Variants in CTNNA3 observed in about 807,000 individuals in gnomAD.
CTNNA3 encodes catenin alpha 3.
In CTNNA3, 76 loss-of-function variants were observed where a neutral mutation model predicts 95.7. The ratio of observed to expected loss-of-function variants is 0.79; its 90% confidence interval spans 0.66 to 0.96. The LOEUF (loss-of-function observed/expected upper bound fraction) is 0.96. CTNNA3 is among the 40% of genes least tolerant of loss of function. The pLI is 0.00. For synonymous variants in CTNNA3, 431 were observed against 374.4 expected (o/e 1.15, Z -1.74); for missense variants, 1,191 against 1,089.8 (o/e 1.09, Z -1.31).
intron 5 of CTNNA3, among the ~76,000 whole-genome samples, chr10:67,500,771 T>C (rs1442967633): frequency 6.6e-6 from 1 of 152,210 alleles, no homozygotes; most frequent in Non-Finnish European, 1.5e-5. Flanking sequence ...TTGCTTTCCA[T>C]TTGCTTGGTA....
intron 3 of CTNNA3, among the ~76,000 whole-genome samples, chr10:67,580,214 T>C (rs1842334735): frequency 6.6e-6 from 1 of 152,128 alleles, no homozygotes; most frequent in Admixed American, 6.6e-5. Flanking sequence ...TTTAATCCAT[T>C]CTTGAATTAA....
intron 9 of CTNNA3, among the ~76,000 whole-genome samples, chr10:66,682,808 T>A (rs1847115076): frequency 6.6e-6 from 1 of 152,010 alleles, no homozygotes; most frequent in Non-Finnish European, 1.5e-5. Flanking sequence ...AAAGCAACAT[T>A]AAAGAATACA....
intron 5 of CTNNA3, among the ~76,000 whole-genome samples, chr10:67,496,371 C>A (rs1421143538): frequency 1.3e-5 from 2 of 152,088 alleles, no homozygotes; most frequent in African/African-American, 4.8e-5. Context: ...GGACTTTCTG[C>A]CTTTACTGAA....
At chr10:66,044,576 T>A (rs1018056302) in intron 15 of CTNNA3, among the ~76,000 whole-genome samples, 2 of 152,166 alleles carry the variant, frequency 1.3e-5, no homozygotes, top group African/African-American at 2.4e-5. Context: ...TGATGACTAT[T>A]CTATGCTGTT....
intron 1 of CTNNA3, among the ~76,000 whole-genome samples, chr10:67,713,831 C>T (rs3125307): frequency 0.1 from 15,444 of 149,416 alleles, 1,166 homozygotes; most frequent in African/African-American, 0.21. Flanking sequence ...AAATACCTAA[C>T]GCATGAGGGA....
intron 7 of CTNNA3, chr10:66,925,921 C>A: frequency 2.3e-6 from 1 of 427,972 alleles, no homozygotes; most frequent in South Asian, 1.7e-5. Context: ...ATTCATTTTC[C>A]AGCAGAGAGC....
At chr10:66,924,616 A>C (rs1846962509) in intron 7 of CTNNA3, among the ~76,000 whole-genome samples, 1 of 152,240 alleles carries the variant, frequency 6.6e-6, no homozygotes, top group Non-Finnish European at 1.5e-5. Context: ...ACAATATTTA[A>C]AAATGCTCAC....
At chr10:66,524,779 G>T in intron 10 of CTNNA3, among the ~76,000 whole-genome samples, 1 of 152,160 alleles carries the variant, frequency 6.6e-6, no homozygotes, top group East Asian at 1.9e-4. Context: ...GCCAGGTGCG[G>T]TGGCTCACGC....
At chr10:67,154,699 T>C (rs1456178122) in intron 7 of CTNNA3, among the ~76,000 whole-genome samples, 1 of 152,150 alleles carries the variant, frequency 6.6e-6, no homozygotes, top group Non-Finnish European at 1.5e-5. Context: ...CTATAGCGAC[T>C]GCACTCAGTT....
At chr10:65,969,581 A>T (rs973209080) in intron 16 of CTNNA3, among the ~76,000 whole-genome samples, 13 of 152,194 alleles carry the variant, frequency 8.5e-5, no homozygotes, top group Admixed American at 7.9e-4. Flanking sequence ...TTAAAATATC[A>T]ATCAGAGATT....
intron 7 of CTNNA3, among the ~76,000 whole-genome samples, chr10:66,975,601 G>C (rs1377401707): frequency 6.6e-6 from 1 of 152,160 alleles, no homozygotes; most frequent in African/African-American, 2.4e-5. Flanking sequence ...GTCTATGATT[G>C]TCATGTACAG....
At chr10:67,206,624 A>G (rs1157754143) in intron 6 of CTNNA3, among the ~76,000 whole-genome samples, 1 of 151,642 alleles carries the variant, frequency 6.6e-6, no homozygotes, top group Non-Finnish European at 1.5e-5. Context: ...CAAAAACTCA[A>G]CAAAAAGCAC....
At chr10:66,461,249 T>G (rs1383547728) in intron 11 of CTNNA3, among the ~76,000 whole-genome samples, 1 of 152,058 alleles carries the variant, frequency 6.6e-6, no homozygotes, top group East Asian at 1.9e-4. Flanking sequence ...GTACTCATAA[T>G]AGATGAGTTA....
chr10:67,526,769 G>T (rs148338732), intron 4 of CTNNA3, among the ~76,000 whole-genome samples: 2 of 152,222 alleles, frequency 1.3e-5, no homozygotes, highest in South Asian at 2.1e-4. Flanking sequence ...AAACTTAAAA[G>T]TTCCATAAAA....
intron 13 of CTNNA3, among the ~76,000 whole-genome samples, chr10:66,263,061 A>C (rs1797684331): frequency 6.6e-6 from 1 of 152,020 alleles, no homozygotes; most frequent in Non-Finnish European, 1.5e-5. Flanking sequence ...ATGATAAGAA[A>C]ACTAATTATG....
At chr10:66,508,210 G>GTTTTTT (rs756807793) in intron 11 of CTNNA3, among the ~76,000 whole-genome samples, 5 of 108,424 alleles carry the variant, frequency 4.6e-5, no homozygotes, top group African/African-American at 1.8e-4. Flanking sequence ...TTTGTTTTCT[G>GTTTTTT]TTTTTTTTTT....
chr10:66,137,532 G>T (rs1439655473), intron 13 of CTNNA3, among the ~76,000 whole-genome samples: 1 of 152,098 alleles, frequency 6.6e-6, no homozygotes, highest in African/African-American at 2.4e-5. Context: ...AATACTTAGA[G>T]AAATTTGAAT....
At chr10:67,267,216 A>G (rs1374306532) in intron 5 of CTNNA3, among the ~76,000 whole-genome samples, 4 of 152,234 alleles carry the variant, frequency 2.6e-5, no homozygotes, top group African/African-American at 9.6e-5. Flanking sequence ...ATTTTACACT[A>G]TGTGATTCAG....
intron 7 of CTNNA3, among the ~76,000 whole-genome samples, chr10:67,034,279 ATTTGCCAAGCAATC>A (rs1853908833): frequency 6.6e-6 from 1 of 152,186 alleles, no homozygotes; most frequent in South Asian, 2.1e-4. Context: ...CCAAGCAATC[ATTTGCCAAGCAATC>A]ATTTATTCAG....
Sources: gnomAD v4.1 joint callset for allele counts (sites outside exome capture counted in the v4.1 genomes callset) on GRCh38, gnomAD v4.1.1 for gene constraint, MANE v1.5 for transcripts, NCBI Gene and HGNC (gene_info 2026-07-23, HGNC 2026-07-21) for gene names.